Variants in KIF16B observed in about 807,000 individuals in gnomAD.
The protein encoded by KIF16B is kinesin-like protein KIF16B.
In KIF16B, 98 loss-of-function variants were observed where a neutral mutation model predicts 156.3. The observed-to-expected ratio is 0.63, with a 90% confidence interval of 0.53 to 0.74. KIF16B has a LOEUF of 0.74. KIF16B is among the 30% of genes least tolerant of loss of function. The probability of loss-of-function intolerance (pLI) is 0.00; values close to 1 mark genes in which losing one functional copy is unlikely to be tolerated. For synonymous variants in KIF16B, 564 were observed against 583.7 expected (o/e 0.97, Z 0.49); for missense variants, 1,421 against 1,606.5 (o/e 0.88, Z 1.97).
intron 5 of KIF16B, 110 bp downstream of exon 5, chr20:16,512,715 CT>C: frequency 1.5e-6 from 1 of 663,022 alleles, no homozygotes. Context: ...AAAGGGAAGA[CT>C]TTTTCTTTAG....
intron 9 of KIF16B, 26 bp from the exon 10 acceptor site, chr20:16,504,573 A>G (rs1228413029): frequency 1.2e-6 from 2 of 1,600,534 alleles, no homozygotes; most frequent in Admixed American, 1.7e-5. Context: ...TCAAAAAATA[A>G]TTTATCCAGC....
Position 16,481,136 on chromosome 20 carries a change from G to A in KIF16B, c.1302+13155C>T, listed in dbSNP as rs373885479. Among the ~76,000 whole-genome samples, 90 of 152,202 alleles carry A rather than the reference G, an allele frequency of 5.9e-4. No individual in the cohort carries two copies. The Middle Eastern group carries it at 0.01, about 17-fold the overall frequency. On this transcript the variant is annotated intron_variant, in intron 12 of 25. Coordinates refer to ENST00000354981, the MANE Select transcript of KIF16B (RefSeq NM_024704.5). ...ATTCATTCTCCTTTCACGTGTCTGC[G>A]GTAGGCTGAGAAAACTGTCTTTTTA...
At chr20:16,534,596 T>C (rs1477778511) in intron 1 of KIF16B, among the ~76,000 whole-genome samples, 4 of 152,234 alleles carry the variant, frequency 2.6e-5, no homozygotes, top group Admixed American at 1.3e-4. Context: ...CAGAACAATG[T>C]CCTGAAGAGC....
intron 1 of KIF16B, among the ~76,000 whole-genome samples, chr20:16,542,500 GA>G (rs2070242100): frequency 6.6e-6 from 1 of 152,162 alleles, no homozygotes; most frequent in African/African-American, 2.4e-5. Flanking sequence ...GTATGTCATG[GA>G]AAAGGACTAA....
intron 12 of KIF16B, among the ~76,000 whole-genome samples, chr20:16,435,619 C>A (rs2066621479): frequency 6.6e-6 from 1 of 152,128 alleles, no homozygotes; most frequent in African/African-American, 2.4e-5. Context: ...TTTCCATTTT[C>A]TATTTCATTT....
At chr20:16,555,508 A>G (rs930268613) in intron 1 of KIF16B, among the ~76,000 whole-genome samples, 11 of 148,468 alleles carry the variant, frequency 7.4e-5, no homozygotes, top group African/African-American at 2.5e-4. Flanking sequence ...TAATCAAGCC[A>G]TAGACCAAAG....
At chr20:16,277,284 G>T (rs536573756) in intron 25 of KIF16B, among the ~76,000 whole-genome samples, 1 of 152,020 alleles carries the variant, frequency 6.6e-6, no homozygotes, top group Non-Finnish European at 1.5e-5. Context: ...GTTGGTCACC[G>T]CTTTGGTCCT....
At chr20:16,458,120 T>C (rs571626105) in intron 12 of KIF16B, among the ~76,000 whole-genome samples, 2 of 152,250 alleles carry the variant, frequency 1.3e-5, no homozygotes, top group South Asian at 4.2e-4. Flanking sequence ...ACTGCCAAAA[T>C]GCAGCTGCTG....
chr20:16,301,768 GC>G (rs1203464130), intron 25 of KIF16B, among the ~76,000 whole-genome samples: 2 of 152,026 alleles, frequency 1.3e-5, no homozygotes, highest in Non-Finnish European at 2.9e-5. Flanking sequence ...TCCTGCCTCA[GC>G]CTCCCAAGTA....
chr20:16,543,535 A>T (rs1183513776), intron 1 of KIF16B, among the ~76,000 whole-genome samples: 1 of 152,236 alleles, frequency 6.6e-6, no homozygotes, highest in South Asian at 2.1e-4. Flanking sequence ...ATTAGGACTT[A>T]ATTCTATCTT....
intron 3 of KIF16B, among the ~76,000 whole-genome samples, chr20:16,520,519 G>C (rs2069307191): frequency 6.6e-6 from 1 of 152,218 alleles, no homozygotes; most frequent in South Asian, 2.1e-4. Flanking sequence ...AAGAAAGGCA[G>C]TAGCCCCAGT....
At chr20:16,344,131 A>G (rs1179891203) in intron 23 of KIF16B, among the ~76,000 whole-genome samples, 2 of 152,238 alleles carry the variant, frequency 1.3e-5, no homozygotes, top group African/African-American at 2.4e-5. Context: ...ATGCAGCAAC[A>G]TAACTATGAG....
At chr20:16,273,441 G>A (rs377085607) in intron 25 of KIF16B, 30 bp from the exon 26 acceptor site, 24 of 1,610,316 alleles carry the variant, frequency 1.5e-5, no homozygotes, top group Non-Finnish European at 2.0e-5. Flanking sequence ...TAAGAACATG[G>A]TCAATTGGGA....
At chr20:16,308,833 T>C (rs1245457385) in intron 25 of KIF16B, among the ~76,000 whole-genome samples, 1 of 152,236 alleles carries the variant, frequency 6.6e-6, no homozygotes, top group Non-Finnish European at 1.5e-5. Flanking sequence ...TGAAAATACA[T>C]TAAGAAGCAA....
At chr20:16,442,163 C>A (rs1054065331) in intron 12 of KIF16B, among the ~76,000 whole-genome samples, 7 of 151,980 alleles carry the variant, frequency 4.6e-5, no homozygotes, top group African/African-American at 1.7e-4. Flanking sequence ...TACAGTGATA[C>A]AGAAGGAACA....
intron 23 of KIF16B, among the ~76,000 whole-genome samples, chr20:16,344,611 A>T (rs1322203404): frequency 6.6e-6 from 1 of 151,964 alleles, no homozygotes; most frequent in Non-Finnish European, 1.5e-5. Context: ...AGTCCCCCAA[A>T]CTGAGTGCCT....
chr20:16,428,526 C>G (rs1399049196), intron 14 of KIF16B, among the ~76,000 whole-genome samples: 2 of 152,192 alleles, frequency 1.3e-5, no homozygotes, highest in Non-Finnish European at 2.9e-5. Context: ...TGTGTTTTCT[C>G]CTACTTTCTG....
At chr20:16,495,529 A>G (rs941704291) in intron 11 of KIF16B, among the ~76,000 whole-genome samples, 6 of 152,222 alleles carry the variant, frequency 3.9e-5, no homozygotes, top group Non-Finnish European at 8.8e-5. Flanking sequence ...TACCTCAAAT[A>G]AGACTGTGGG....
At chr20:16,381,650 T>A (rs776418473) in intron 18 of KIF16B, 44 bp downstream of exon 18, 1 of 1,476,460 alleles carries the variant, frequency 6.8e-7, no homozygotes, top group South Asian at 1.2e-5. Context: ...AACACAGGAA[T>A]CCAGACTACA....
Sources: allele counts gnomAD v4.1 joint callset (sites outside exome capture counted in the v4.1 genomes callset), GRCh38; gene constraint gnomAD v4.1.1; transcripts MANE v1.5; gene names NCBI Gene and HGNC (gene_info 2026-07-23, HGNC 2026-07-21).